Variants in ANXA6 observed in about 807,000 individuals in gnomAD.
ANXA6 encodes annexin A6.
A neutral mutation model predicts 95.4 loss-of-function variants in ANXA6; 71 were observed. The observed-to-expected ratio is 0.74, with a 90% CI of 0.61 to 0.91. ANXA6 has a LOEUF of 0.91. Ranked by LOEUF, ANXA6 falls within the 40% of genes least tolerant of loss-of-function variation. The probability of loss-of-function intolerance (pLI) is 0.00; values close to 1 mark genes in which losing one functional copy is unlikely to be tolerated. For missense variants in ANXA6, 830 were observed against 876.4 expected, an observed-to-expected ratio of 0.95 and a Z score of 0.67; for synonymous variants, 289 against 315.9, an observed-to-expected ratio of 0.91 and a Z score of 0.90.
At chr5:151,144,838 G>T (rs1765933647) in intron 2 of ANXA6, among the ~76,000 whole-genome samples, 3 of 151,994 alleles carry the variant, frequency 2.0e-5, no homozygotes, top group Non-Finnish European at 2.9e-5. Flanking sequence ...GTTGTCCTGG[G>T]ACCCCACAGG....
intron 11 of ANXA6, among the ~76,000 whole-genome samples, chr5:151,129,740 T>C (rs541999062): frequency 6.7e-6 from 1 of 149,896 alleles, no homozygotes; most frequent in African/African-American, 2.4e-5. Context: ...TGAGACAGTG[T>C]CTCACTCTTG....
At chr5:151,148,395 A>C (rs1464185369) in intron 1 of ANXA6, among the ~76,000 whole-genome samples, 1 of 152,322 alleles carries the variant, frequency 6.6e-6, no homozygotes, top group East Asian at 1.9e-4. Context: ...TGCACCATGC[A>C]TGCCCCCTTT....
At chr5:151,110,294 T>G (rs911565886) in intron 21 of ANXA6, among the ~76,000 whole-genome samples, 1 of 152,250 alleles carries the variant, frequency 6.6e-6, no homozygotes, top group Non-Finnish European at 1.5e-5. Context: ...CACTGCACAT[T>G]AGTGTTTCCA....
intron 8 of ANXA6, chr5:151,133,412 AC>A: frequency 2.0e-6 from 1 of 511,118 alleles, no homozygotes; most frequent in Admixed American, 3.3e-5. Flanking sequence ...GAGCACTCGC[AC>A]ACACCTAGAT....
chr5:151,113,492 A>T (rs1170530712), intron 20 of ANXA6, among the ~76,000 whole-genome samples: 1 of 152,222 alleles, frequency 6.6e-6, no homozygotes, highest in Non-Finnish European at 1.5e-5. Context: ...ATAAAACGGT[A>T]TCATTTTTAA....
intron 6 of ANXA6, 107 bp from the exon 7 acceptor site, chr5:151,136,442 A>C (rs1765665468): frequency 9.4e-7 from 1 of 1,065,276 alleles, no homozygotes; most frequent in East Asian, 2.5e-5. Context: ...AGAATTCCAA[A>C]ACCCAGTCTA....
At chr5:151,122,799 G>T in intron 16 of ANXA6, 118 bp downstream of exon 16, 1 of 822,552 alleles carries the variant, frequency 1.2e-6, no homozygotes, top group Non-Finnish European at 2.0e-6. Context: ...TGACCACACA[G>T]GGTCCCTCTG....
At chr5:151,117,954 A>G (rs1581987835) in intron 18 of ANXA6, 117 bp from the exon 19 acceptor site, 2 of 788,660 alleles carry the variant, frequency 2.5e-6, no homozygotes, top group Admixed American at 2.1e-5. Context: ...GGAGGTGGGG[A>G]TGAAAGGGTT....
intron 1 of ANXA6, among the ~76,000 whole-genome samples, chr5:151,149,921 C>T (rs1766067941): frequency 6.6e-6 from 1 of 152,086 alleles, no homozygotes; most frequent in Admixed American, 6.5e-5. Context: ...AAGTTTGAGA[C>T]CAGCCTGGCC....
intron 1 of ANXA6, among the ~76,000 whole-genome samples, chr5:151,156,321 AG>A (rs1358274950): frequency 6.6e-6 from 1 of 152,160 alleles, no homozygotes; most frequent in Non-Finnish European, 1.5e-5. Flanking sequence ...AAAGCCTTAG[AG>A]AAAGGGCTTG....
intron 8 of ANXA6, 48 bp from the exon 9 acceptor site, chr5:151,133,235 A>T: frequency 7.2e-7 from 1 of 1,387,916 alleles, no homozygotes; most frequent in South Asian, 1.2e-5. Flanking sequence ...ACCTCAGGAG[A>T]CAGGACACAC....
intron 12 of ANXA6, 26 bp from the exon 13 acceptor site, chr5:151,128,265 C>T: frequency 6.3e-7 from 1 of 1,589,862 alleles, no homozygotes; most frequent in East Asian, 2.3e-5. Flanking sequence ...GAAAGGTTAC[C>T]TCTCACCCAG....
Position 151,133,079 on chromosome 5 carries a change from T to G in ANXA6, c.640+15A>C. On this transcript the variant is annotated intron_variant, in intron 9 of 25. Coordinates refer to ENST00000354546, the MANE Select transcript of ANXA6 (RefSeq NM_001155.5). ...CAACCCAAGGGAGCAGCTTCAGGTC[T>G]TCTCTGGAGCTTACCCAACCGAAGA... is the stretch of plus-strand genomic sequence containing the variant. 1 of 1,571,828 alleles carries G rather than the reference T, an allele frequency of 6.4e-7. No individual in the cohort carries two copies. Among genetic ancestry groups the G allele is most frequent in the Non-Finnish European group, 8.7e-7 (1 of 1,154,650 alleles).
At chr5:151,110,497 C>T in intron 21 of ANXA6, 130 bp downstream of exon 21, 2 of 982,406 alleles carry the variant, frequency 2.0e-6, no homozygotes, top group Non-Finnish European at 3.1e-6. Context: ...CCAAGCAGGG[C>T]CCGGAAGGGG....
intron 15 of ANXA6, among the ~76,000 whole-genome samples, chr5:151,123,854 G>A (rs1458463908): frequency 7.2e-6 from 1 of 138,312 alleles, no homozygotes; most frequent in Non-Finnish European, 1.5e-5. Context: ...TGCCCAGCAG[G>A]GCACACTCCC....
At chr5:151,110,743 G>T in intron 20 of ANXA6, 99 bp from the exon 21 acceptor site, 1 of 1,364,808 alleles carries the variant, frequency 7.3e-7, no homozygotes, top group Non-Finnish European at 1.0e-6. Context: ...AGGGTGAGGG[G>T]CCTGGCTGGG....
At chr5:151,153,687 C>T (rs1334064757) in intron 1 of ANXA6, among the ~76,000 whole-genome samples, 2 of 152,190 alleles carry the variant, frequency 1.3e-5, no homozygotes, top group Admixed American at 6.5e-5. Context: ...GATGGTAACA[C>T]AAAGTAATTC....
rs1765743029 is a variant in ANXA6 at position 151,138,811 on chromosome 5, A to T, written c.205-20T>A. 2.0e-6 allele frequency: 3 copies of T among 1,529,984 alleles called. No homozygotes were observed. The Admixed American group carries it at 5.1e-5, about 26-fold the overall frequency. 94.8% of individuals were successfully genotyped at this position (1,529,984 alleles called of 1,614,324 possible). ...GAGGTCCTGGCAGGTGGGGAAGAAG[A>T]GGAGATAGAAGAGGAAAGAGGAAGA... is the stretch of plus-strand genomic sequence containing the variant. On this transcript the variant is annotated intron_variant, in intron 4 of 25. Transcript: ENST00000354546.
At chr5:151,140,580 A>ATG (rs1765803947) in intron 2 of ANXA6, 1 of 24,574 alleles carries the variant, frequency 4.1e-5, no homozygotes, top group Admixed American at 4.2e-4. Flanking sequence ...AGAGTCAAAT[A>ATG]TATATATATA....
Sources: gnomAD v4.1 joint callset for allele counts (sites outside exome capture counted in the v4.1 genomes callset) on GRCh38, gnomAD v4.1.1 for gene constraint, MANE v1.5 for transcripts, NCBI Gene and HGNC (gene_info 2026-07-23, HGNC 2026-07-21) for gene names.